The following EXOC1 variants were observed in gnomAD, a reference collection of about 807,000 sequenced individuals.
EXOC1 encodes SEC3-like 1.
A neutral mutation model predicts 107.7 loss-of-function variants in EXOC1; 67 were observed. The ratio of observed to expected loss-of-function variants is 0.62; its 90% CI spans 0.51 to 0.76. The LOEUF is 0.76. Ranked by LOEUF, EXOC1 falls within the 30% of genes least tolerant of loss-of-function variation. The pLI is 0.00. For synonymous variants in EXOC1, 348 were observed against 353.5 expected, an observed-to-expected ratio of 0.98 and a Z score of 0.17; for missense variants, 833 against 1,055.7, an observed-to-expected ratio of 0.79 and a Z score of 2.92.
At chr4:55,889,485 A>G (rs753282655) in intron 11 of EXOC1, among the ~76,000 whole-genome samples, 3 of 152,294 alleles carry the variant, frequency 2.0e-5, no homozygotes, top group Non-Finnish European at 1.5e-5. Flanking sequence ...CCTCATGGCT[A>G]TGACGGATAC....
chr4:55,856,895 A>G (rs1721022697), intron 1 of EXOC1, among the ~76,000 whole-genome samples: 1 of 152,128 alleles, frequency 6.6e-6, no homozygotes, highest in East Asian at 1.9e-4. Context: ...ACAAGGTTGT[A>G]TAACCATCAT....
intron 3 of EXOC1, among the ~76,000 whole-genome samples, chr4:55,863,607 G>A (rs539405888): frequency 3.0e-4 from 46 of 152,190 alleles, no homozygotes; most frequent in African/African-American, 9.2e-4. Flanking sequence ...GTGAGACCCT[G>A]TCTCAAAAAA....
In EXOC1 at chr4:55,891,313, A is replaced by T; in HGVS notation, c.1540-2A>T. 1 of 1,607,580 alleles carries T rather than the reference A, an allele frequency of 6.2e-7. No homozygotes were observed. Among genetic ancestry groups the T allele is most frequent in the East Asian group, 2.2e-5 (1 of 44,774 alleles). The stretch of plus-strand genomic sequence containing the variant: ...TTATAGGATCACTTTGGTTTTCTTC[A>T]GATCTTTGAACAGGTACTAAGTGAA... On this transcript the variant is annotated splice_acceptor_variant, in intron 12 of 18. Coordinates refer to ENST00000381295, the MANE Select transcript of EXOC1 (RefSeq NM_001024924.2). LOFTEE classifies it high-confidence loss of function.
rs181547016 is a variant in EXOC1 at position 55,885,494 on chromosome 4, T to C, written c.1330+1566T>C. On this transcript the variant is annotated intron_variant, in intron 10 of 18. Coordinates refer to ENST00000381295, the MANE Select transcript of EXOC1 (RefSeq NM_001024924.2). ...TAATACAGGTTAAAAGGTAGTTTTG[T>C]AGTTTTATAAGTGTTAAGATCACAT... is the stretch of plus-strand genomic sequence containing the variant. 7.2e-5 allele frequency: 11 copies of C among 152,326 alleles called. No individual in the cohort carries two copies. The East Asian group carries it at 2.1e-3, about 29-fold the overall frequency. The allele number at this position is 152,326 out of a possible 1,614,324, so 9.4% of individuals were successfully genotyped here.
chr4:55,862,061 A>G (rs1252775329), intron 3 of EXOC1, among the ~76,000 whole-genome samples: 4 of 152,294 alleles, frequency 2.6e-5, no homozygotes, highest in African/African-American at 9.6e-5. Context: ...CTCCACAAAA[A>G]AAAACAAAAA....
Position 55,860,531 on chromosome 4 carries a change from A to G in EXOC1, c.245A>G (p.Asp82Gly), listed in dbSNP as rs1721377547. Residue 82 changes from aspartate to glycine, a missense_variant, in exon 3 of 19, where the codon GAT becomes GGT. This residue lies in a region of EXOC1 where 617 missense variants were observed against 701.3 expected (regional missense o/e 0.88). Transcript: ENST00000381295. The part of the protein sequence containing the change: ...LRDLAVVDAK[D>G]AIKENPEFDL... The stretch of plus-strand genomic sequence containing the variant: ...GATCTTGCTGTGGTAGATGCCAAAG[A>G]TGCTATCAAAGTAGGTTTTTCTCAG... The G allele has an allele frequency of 6.2e-7, 1 of 1,613,908 alleles. No homozygotes were observed. Among genetic ancestry groups the G allele is most frequent in the Non-Finnish European group, 8.5e-7 (1 of 1,179,822 alleles).
chr4:55,892,692 C>A lies in EXOC1; in HGVS notation c.1705C>A (p.Pro569Thr). 1 of 1,614,042 alleles carries A rather than the reference C, an allele frequency of 6.2e-7. No individual in the cohort carries two copies. The highest frequency in any genetic ancestry group is 8.5e-7 in the Non-Finnish European group (1 of 1,179,956). ...ATCACGGCAACATAATTGTGGCACA[C>A]CACTGCCTGTTTCATCTGAGTATGT... ...TLSRQHNCGT[P>T]LPVSSEKDMI... is the part of the protein sequence containing the mutation. Residue 569 changes from proline to threonine, a missense_variant, in exon 14 of 19, where the codon CCA (proline) becomes ACA (threonine). Pro to Thr is a conservative substitution (Grantham distance 38). Transcript: ENST00000381295.
chr4:55,882,126 T>G (rs1179679902), intron 9 of EXOC1, among the ~76,000 whole-genome samples: 1 of 151,984 alleles, frequency 6.6e-6, no homozygotes, highest in Admixed American at 6.6e-5. Context: ...TGTATTGTGT[T>G]TTGTTTTGTT....
Position 55,893,731 on chromosome 4 carries a change from C to A in EXOC1, c.1904C>A (p.Thr635Lys). 1 of 1,614,068 alleles carries A rather than the reference C, an allele frequency of 6.2e-7. No individual in the cohort carries two copies. The highest frequency in any genetic ancestry group is 8.5e-7 in the Non-Finnish European group (1 of 1,180,008). Residue 635 changes from threonine to lysine, a missense_variant, in exon 15 of 19, where the codon ACA (threonine) becomes AAA (lysine). By Grantham distance (78) the Thr-to-Lys change is moderately conservative (BLOSUM62 -1). Transcript: ENST00000381295. ...GACCCTGCTTCTTTCCTAAGTACTACATTGGGAAATGTTTTGGTGACTGTC... is the reference window on the plus strand; with the variant it reads ...GACCCTGCTTCTTTCCTAAGTACTAAATTGGGAAATGTTTTGGTGACTGTC... ...NVDPASFLSTTLGNVLVTVKR... is the reference protein window; with the variant it reads ...NVDPASFLSTKLGNVLVTVKR...
At chr4:55,904,288 C>G in intron 18 of EXOC1, 55 bp from the exon 19 acceptor site, 4 of 1,498,484 alleles carry the variant, frequency 2.7e-6, no homozygotes, top group Non-Finnish European at 2.7e-6. Flanking sequence ...TTTCTGCATA[C>G]TAGATTACAT....
chr4:55,877,241 C>T (rs1033794690), intron 8 of EXOC1: 5 of 985,238 alleles, frequency 5.1e-6, no homozygotes, highest in Non-Finnish European at 6.0e-6. Flanking sequence ...AAAACTCTAG[C>T]AGTCTGTGTA....
In EXOC1 at chr4:55,896,901, G is replaced by T; in HGVS notation, c.2137+1G>T. 1 of 1,582,086 alleles carries T rather than the reference G, an allele frequency of 6.3e-7. No individual in the cohort carries two copies. Among genetic ancestry groups the T allele is most frequent in the Non-Finnish European group, 8.5e-7 (1 of 1,170,404 alleles). ...CTTATCAGAGGAGTATTTGTTAATG[G>T]TAAGCTTTTGTTATGTTCTAAAGAA... is the stretch of plus-strand genomic sequence containing the variant. On this transcript the variant is annotated splice_donor_variant, in intron 16 of 18. Transcript: ENST00000381295. LOFTEE classifies it high-confidence loss of function.
intron 1 of EXOC1, among the ~76,000 whole-genome samples, chr4:55,857,486 C>T (rs1248428182): frequency 1.3e-5 from 2 of 151,974 alleles, no homozygotes; most frequent in Non-Finnish European, 2.9e-5. Context: ...GTTTTTTTTG[C>T]AGCCGAATAA....
At chr4:55,856,501 T>A (rs1720981720) in intron 1 of EXOC1, among the ~76,000 whole-genome samples, 1 of 152,196 alleles carries the variant, frequency 6.6e-6, no homozygotes, top group African/African-American at 2.4e-5. Flanking sequence ...TTTTACAGAT[T>A]GAGTAAAATA....
chr4:55,875,604 A>T, intron 8 of EXOC1: 1 of 985,298 alleles, frequency 1.0e-6, no homozygotes, highest in Non-Finnish European at 1.2e-6. Context: ...AAACAGTAGT[A>T]GAAGAACATA....
chr4:55,882,690 A>T lies in EXOC1; in HGVS notation c.1225-1133A>T, dbSNP rs999313486. On this transcript the variant is annotated intron_variant, in intron 9 of 18. Transcript: ENST00000381295. ...TTTTATAAGAATACAGCTATAAAAT[A>T]TTTTAAGACAATCAATGGTAAACTG... is the stretch of plus-strand genomic sequence containing the variant. 24 of 152,318 alleles carry T rather than the reference A, an allele frequency of 1.6e-4. 1 individual carries two copies. The Middle Eastern group carries it at 0.01, about 65-fold the overall frequency. 9.4% of individuals were successfully genotyped at this position (152,318 alleles called of 1,614,324 possible). A position where few individuals can be genotyped will look rare whatever the true frequency, so the allele number is the denominator to read the frequency against.
intron 13 of EXOC1, among the ~76,000 whole-genome samples, chr4:55,892,202 AT>A (rs61046640): frequency 0.04 from 6,088 of 152,244 alleles, 173 homozygotes; most frequent in Admixed American, 0.083. Context: ...CTCTGTAAGA[AT>A]TTTTTATAGC....
chr4:55,855,744 A>G (rs923914605), intron 1 of EXOC1, among the ~76,000 whole-genome samples: 8 of 152,200 alleles, frequency 5.3e-5, no homozygotes, highest in African/African-American at 1.9e-4. Flanking sequence ...ATTCTAGGAA[A>G]AGAAGGTTGC....
At chr4:55,863,547 G>T (rs1189492366) in intron 3 of EXOC1, among the ~76,000 whole-genome samples, 2 of 152,282 alleles carry the variant, frequency 1.3e-5, no homozygotes, top group African/African-American at 4.8e-5. Context: ...AGGAGGTGGA[G>T]GCTGCAGTGA....
Sources: allele counts gnomAD v4.1 joint callset (sites outside exome capture counted in the v4.1 genomes callset), GRCh38; gene constraint gnomAD v4.1.1; regional missense constraint gnomAD v4.1.1; transcripts MANE v1.5; gene names NCBI Gene and HGNC (gene_info 2026-07-23, HGNC 2026-07-21).